Variants in NEBL observed in about 807,000 individuals in gnomAD.
NEBL encodes nebulette.
NEBL carries 122 observed loss-of-function variants against 140.2 expected under a neutral mutation model. That is an observed-to-expected ratio of 0.87 (90% confidence interval 0.75 to 1.01). The LOEUF is 1.01. NEBL is among the 50% of genes least tolerant of loss of function. NEBL has a pLI of 0.00. For missense variants in NEBL, 1,365 were observed against 1,231.3 expected (o/e 1.11, Z -1.62); for synonymous variants, 436 against 398.9 (o/e 1.09, Z -1.11).
intron 4 of NEBL, among the ~76,000 whole-genome samples, chr10:20,952,786 T>G (rs1835546455): frequency 6.6e-6 from 1 of 150,596 alleles, no homozygotes; most frequent in African/African-American, 2.4e-5. Context: ...ATGCCTGTAA[T>G]CCCAGCTACT....
chr10:21,258,622 T>C (rs566101089), intron 1 of NEBL, among the ~76,000 whole-genome samples: 59 of 152,178 alleles, frequency 3.9e-4, no homozygotes, highest in African/African-American at 1.4e-3. Flanking sequence ...GCAGAATCGC[T>C]TGAACCCAGG....
At chr10:20,816,482 T>C in intron 21 of NEBL, among the ~76,000 whole-genome samples, 1 of 152,156 alleles carries the variant, frequency 6.6e-6, no homozygotes, top group South Asian at 2.1e-4. Context: ...ATGTTCCTTT[T>C]TGAGAATAAT....
chr10:21,220,241 G>A (rs1487949242), intron 3 of NEBL, among the ~76,000 whole-genome samples: 1 of 152,062 alleles, frequency 6.6e-6, no homozygotes, highest in Non-Finnish European at 1.5e-5. Flanking sequence ...TTTGTATCCT[G>A]CAACTTTACT....
At chr10:21,086,644 G>C (rs1459129368) in intron 2 of NEBL, among the ~76,000 whole-genome samples, 3 of 152,148 alleles carry the variant, frequency 2.0e-5, no homozygotes, top group Non-Finnish European at 2.9e-5. Flanking sequence ...CATGTGTGGT[G>C]GTGTGCACCT....
chr10:21,191,442 G>T (rs557193869), intron 3 of NEBL, among the ~76,000 whole-genome samples: 3 of 152,164 alleles, frequency 2.0e-5, no homozygotes, highest in African/African-American at 7.2e-5. Flanking sequence ...CTCACCCACC[G>T]TTCGATATTA....
intron 2 of NEBL, among the ~76,000 whole-genome samples, chr10:21,166,219 C>CAAAAAAAAAAAAA (rs1170225891): frequency 2.8e-5 from 1 of 35,378 alleles, no homozygotes; most frequent in Non-Finnish European, 6.2e-5. Context: ...GACTGTGTCT[C>CAAAAAAAAAAAAA]AAAAAAAAAA....
intron 2 of NEBL, among the ~76,000 whole-genome samples, chr10:21,025,971 C>T (rs1839013117): frequency 6.6e-6 from 1 of 152,142 alleles, no homozygotes; most frequent in Non-Finnish European, 1.5e-5. Flanking sequence ...TTTCTCTTTG[C>T]TCTCCTGCAA....
At chr10:21,190,113 T>C (rs1841548115) in intron 3 of NEBL, among the ~76,000 whole-genome samples, 1 of 152,202 alleles carries the variant, frequency 6.6e-6, no homozygotes, top group Non-Finnish European at 1.5e-5. Context: ...TTCATCTTGC[T>C]ACCCGAGCAC....
intron 3 of NEBL, among the ~76,000 whole-genome samples, chr10:21,012,623 T>G (rs972067742): frequency 8.5e-5 from 13 of 152,282 alleles, no homozygotes; most frequent in South Asian, 8.3e-4. Flanking sequence ...TCCTCCTGCT[T>G]CAGCCTACCA....
chr10:20,831,155 A>G (rs368139537), intron 16 of NEBL, 41 bp downstream of exon 16: 10 of 1,346,556 alleles, frequency 7.4e-6, no homozygotes, highest in Non-Finnish European at 9.6e-6. Context: ...GCAACATGAC[A>G]TTGGAATACA....
At chr10:20,906,693 G>T (rs998293149) in intron 4 of NEBL, among the ~76,000 whole-genome samples, 2 of 151,884 alleles carry the variant, frequency 1.3e-5, no homozygotes, top group Admixed American at 6.6e-5. Flanking sequence ...TCACTCATTT[G>T]TTATACCAAT....
intron 3 of NEBL, among the ~76,000 whole-genome samples, chr10:21,197,975 G>C (rs1841677502): frequency 6.6e-6 from 1 of 151,672 alleles, no homozygotes; most frequent in African/African-American, 2.4e-5. Context: ...ATGGATTTGA[G>C]GGTCTCCTCC....
chr10:21,236,523 A>G (rs1008301085), intron 3 of NEBL, among the ~76,000 whole-genome samples: 4 of 151,510 alleles, frequency 2.6e-5, no homozygotes, highest in Admixed American at 2.0e-4. Context: ...AATTTTTTGT[A>G]TTTTTAGTAG....
chr10:21,061,225 C>T (rs1374489998), intron 2 of NEBL, among the ~76,000 whole-genome samples: 1 of 87,386 alleles, frequency 1.1e-5, no homozygotes, highest in Non-Finnish European at 2.3e-5. Flanking sequence ...AGAGATGTGG[C>T]ATTATATATT....
intron 2 of NEBL, among the ~76,000 whole-genome samples, chr10:21,033,615 C>G (rs1204003885): frequency 6.6e-6 from 1 of 152,004 alleles, no homozygotes; most frequent in Non-Finnish European, 1.5e-5. Context: ...CGGTGTGCAC[C>G]TGTAGTCCCA....
chr10:21,197,739 A>C (rs1346288574), intron 3 of NEBL, among the ~76,000 whole-genome samples: 2 of 152,184 alleles, frequency 1.3e-5, no homozygotes, highest in Non-Finnish European at 2.9e-5. Context: ...AGCATTACAG[A>C]ATGTTAAGTT....
intron 3 of NEBL, among the ~76,000 whole-genome samples, chr10:21,006,475 T>C (rs774607905): frequency 1.1e-4 from 16 of 152,330 alleles, no homozygotes; most frequent in Non-Finnish European, 1.9e-4. Context: ...TCTGTGACAA[T>C]GCCACCACTC....
chr10:21,067,172 C>T (rs893178479), intron 2 of NEBL, among the ~76,000 whole-genome samples: 16 of 151,862 alleles, frequency 1.1e-4, no homozygotes, highest in African/African-American at 2.7e-4. Flanking sequence ...GGGGTTTCAC[C>T]GTGTTAGCCA....
chr10:20,782,483 C>T lies in NEBL; in HGVS notation c.*3264G>A, dbSNP rs143615704. On this transcript the variant is annotated 3_prime_UTR_variant, in exon 28 of 28. Coordinates refer to ENST00000377122, the MANE Select transcript of NEBL (RefSeq NM_006393.3). Reference sequence around the variant, plus strand: ...CTATCTTTTTAGAAAAAGTCTTGTTCCTCATTCCCAGAGTGTTGTCAAGCT... The same window carrying T: ...CTATCTTTTTAGAAAAAGTCTTGTTTCTCATTCCCAGAGTGTTGTCAAGCT... 2.0e-4 allele frequency: 31 copies of T among 152,510 alleles called. No individual in the cohort carries two copies. In the East Asian group the frequency reaches 5.8e-3, roughly 29 times the overall value. The allele number at this position is 152,510 out of a possible 1,614,324, so 9.4% of individuals were successfully genotyped here. A position where few individuals can be genotyped will look rare whatever the true frequency, so the allele number is the denominator to read the frequency against.
Sources: gnomAD v4.1 joint callset for allele counts (sites outside exome capture counted in the v4.1 genomes callset) on GRCh38, gnomAD v4.1.1 for gene constraint, MANE v1.5 for transcripts, NCBI Gene and HGNC (gene_info 2026-07-23, HGNC 2026-07-21) for gene names.